MLLT10: variants seen among roughly 807,000 people sequenced by gnomAD.
The protein encoded by MLLT10 is MLLT10 histone lysine methyltransferase DOT1L cofactor, also known as protein AF-10.
MLLT10 carries 30 observed loss-of-function variants against 129.1 expected under a neutral mutation model. That is an observed-to-expected ratio of 0.23 (90% CI 0.17 to 0.32). The LOEUF is 0.32. MLLT10 is among the 10% of genes least tolerant of loss of function. The probability of loss-of-function intolerance (pLI) is 1.00; values close to 1 mark genes in which losing one functional copy is unlikely to be tolerated. For synonymous variants in MLLT10, 490 were observed against 446.4 expected, an observed-to-expected ratio of 1.10 and a Z score of -1.23; for missense variants, 1,119 against 1,268.3, an observed-to-expected ratio of 0.88 and a Z score of 1.79.
intron 11 of MLLT10, among the ~76,000 whole-genome samples, chr10:21,678,139 C>G (rs948265815): frequency 2.0e-5 from 3 of 152,054 alleles, no homozygotes; most frequent in Non-Finnish European, 4.4e-5. Context: ...GAGTCTTGCT[C>G]TATTGACCAG....
At chr10:21,682,554 ATC>A (rs772612149) in intron 13 of MLLT10, among the ~76,000 whole-genome samples, 3 of 152,130 alleles carry the variant, frequency 2.0e-5, no homozygotes, top group Non-Finnish European at 4.4e-5. Context: ...TTCTTTTGAG[ATC>A]TCTCTTGCCA....
intron 17 of MLLT10, 40 bp downstream of exon 17, chr10:21,731,094 G>A: frequency 6.4e-7 from 1 of 1,557,898 alleles, no homozygotes; most frequent in Non-Finnish European, 8.7e-7. Flanking sequence ...AAGACAGATG[G>A]GCAGATGGAC....
chr10:21,637,570 C>T (rs2047578588), intron 8 of MLLT10, among the ~76,000 whole-genome samples: 1 of 152,130 alleles, frequency 6.6e-6, no homozygotes, highest in South Asian at 2.1e-4. Flanking sequence ...GAGACTGAGG[C>T]TTCTAATTTA....
At chr10:21,621,088 A>G (rs973822563) in intron 8 of MLLT10, among the ~76,000 whole-genome samples, 1 of 142,186 alleles carries the variant, frequency 7.0e-6, no homozygotes, top group African/African-American at 2.7e-5. Flanking sequence ...GGTTCACGCC[A>G]TTCTCCTGTC....
At chr10:21,633,526 T>A (rs540751795) in intron 8 of MLLT10, among the ~76,000 whole-genome samples, 12 of 152,156 alleles carry the variant, frequency 7.9e-5, no homozygotes, top group African/African-American at 2.6e-4. Context: ...AAGCCATCTC[T>A]ACAAAAAATA....
intron 16 of MLLT10, among the ~76,000 whole-genome samples, chr10:21,730,328 A>G (rs1201866391): frequency 6.8e-6 from 1 of 147,602 alleles, no homozygotes; most frequent in Non-Finnish European, 1.5e-5. Flanking sequence ...AAAAAAAAAA[A>G]ATTGCTTTGA....
intron 3 of MLLT10, among the ~76,000 whole-genome samples, chr10:21,561,173 C>T (rs1174078699): frequency 6.6e-6 from 1 of 152,100 alleles, no homozygotes; most frequent in African/African-American, 2.4e-5. Flanking sequence ...AAATGATTGT[C>T]AAATTTAGTG....
chr10:21,717,253 CAAAA>C lies in MLLT10; in HGVS notation c.1878+3324_1878+3327del, dbSNP rs747244556. On this transcript the variant is annotated intron_variant, in intron 14 of 22. Transcript: ENST00000307729. ...GGGCAACAAGAGCGAAACTCCGTCT[CAAAA>C]AAAAAAAAAAAAAAAAAAAATTGTT... Among the ~76,000 whole-genome samples, 33 of 63,552 alleles carry C rather than the reference CAAAA, an allele frequency of 5.2e-4. No individual in the cohort carries two copies. In the South Asian group the frequency reaches 0.014, roughly 27 times the overall value. The allele number at this position is 63,552 out of a possible 152,430, so 41.7% of individuals were successfully genotyped here. A position where few individuals can be genotyped will look rare whatever the true frequency, so the allele number is the denominator to read the frequency against.
intron 3 of MLLT10, among the ~76,000 whole-genome samples, chr10:21,561,270 G>A (rs1162150212): frequency 1.3e-5 from 2 of 151,898 alleles, no homozygotes; most frequent in African/African-American, 4.8e-5. Flanking sequence ...TATTTGAGAC[G>A]GAGCCTTGCT....
intron 8 of MLLT10, among the ~76,000 whole-genome samples, chr10:21,621,488 GCC>G (rs2045848786): frequency 2.6e-5 from 4 of 152,068 alleles, no homozygotes; most frequent in Non-Finnish European, 5.9e-5. Flanking sequence ...CTCATGATCC[GCC>G]CCTCTCGGCC....
chr10:21,537,927 C>G (rs1189712017), intron 2 of MLLT10, among the ~76,000 whole-genome samples: 1 of 152,088 alleles, frequency 6.6e-6, no homozygotes, highest in East Asian at 1.9e-4. Context: ...AATTTTAAAA[C>G]AAGACTGTGA....
chr10:21,694,724 A>G (rs1309847389), intron 13 of MLLT10, among the ~76,000 whole-genome samples: 2 of 152,224 alleles, frequency 1.3e-5, no homozygotes, highest in Non-Finnish European at 2.9e-5. Context: ...CATTGCTGAC[A>G]TAACAAATTA....
intron 2 of MLLT10, among the ~76,000 whole-genome samples, chr10:21,537,540 G>A (rs976542841): frequency 5.3e-5 from 8 of 151,634 alleles, no homozygotes; most frequent in Non-Finnish European, 8.8e-5. Flanking sequence ...TCTCGGCTCA[G>A]TGAAACCTTC....
chr10:21,625,901 A>T, intron 8 of MLLT10: 1 of 782,590 alleles, frequency 1.3e-6, no homozygotes, highest in Non-Finnish European at 2.4e-6. Flanking sequence ...AAGGGGCACC[A>T]ACTCATCCTC....
At chr10:21,692,089 G>A (rs1241077701) in intron 13 of MLLT10, among the ~76,000 whole-genome samples, 5 of 151,358 alleles carry the variant, frequency 3.3e-5, no homozygotes, top group Admixed American at 1.3e-4. Flanking sequence ...CATGGGAATC[G>A]CTTGAACTTG....
rs2056695893 is a variant in MLLT10, at chr10:21,717,519, A to ACCTCCTCCTCCTCCTCCTCCACCACCT, written c.1878+3589_1878+3590insACCACCTCCTCCTCCTCCTCCTCCTCC. Among the ~76,000 whole-genome samples, 193 of 75,268 alleles carry ACCTCCTCCTCCTCCTCCTCCACCACCT rather than the reference A, an allele frequency of 2.6e-3. 3 individuals are homozygous for ACCTCCTCCTCCTCCTCCTCCACCACCT. Among genetic ancestry groups the ACCTCCTCCTCCTCCTCCTCCACCACCT allele is most frequent in the African/African-American group, 0.011 (185 of 17,458 alleles). 49.4% of individuals were successfully genotyped at this position (75,268 alleles called of 152,430 possible). ...CTCCTCCTCCTCCTCCTCCTCCACC[A>ACCTCCTCCTCCTCCTCCTCCACCACCT]CCTCCTCCTCCTCCTCCTCCTCCCT... is the stretch of plus-strand genomic sequence containing the variant. On this transcript the variant is annotated intron_variant, in intron 14 of 22. Transcript: ENST00000307729.
At chr10:21,607,308 G>A (rs1441014932) in intron 5 of MLLT10, among the ~76,000 whole-genome samples, 1 of 143,298 alleles carries the variant, frequency 7.0e-6, no homozygotes, top group Non-Finnish European at 1.5e-5. Context: ...ATTGTTTTAT[G>A]TACTCTATGC....
At chr10:21,585,775 C>G (rs961461125) in intron 3 of MLLT10, among the ~76,000 whole-genome samples, 1 of 151,928 alleles carries the variant, frequency 6.6e-6, no homozygotes, top group East Asian at 1.9e-4. Context: ...TGTTTTGTTT[C>G]TTTTAGTTGG....
In MLLT10 at chr10:21,737,496, G is replaced by A. The variant is rs577395750; in HGVS notation, c.2955+2261G>A. ...GAGGAGATGAGAACGGTATTTCACT[G>A]CCCCAGCAAGGCAGGCAGAGCAACT... On this transcript the variant is annotated intron_variant, in intron 21 of 22. Transcript: ENST00000307729. 5.9e-5 allele frequency among the ~76,000 whole-genome samples: 9 copies of A among 152,302 alleles called. 1 individual carries two copies. In the South Asian group the frequency reaches 8.3e-4, roughly 14 times the overall value.
Sources: gnomAD v4.1 joint callset for allele counts (sites outside exome capture counted in the v4.1 genomes callset) on GRCh38, gnomAD v4.1.1 for gene constraint, MANE v1.5 for transcripts, NCBI Gene and HGNC (gene_info 2026-07-23, HGNC 2026-07-21) for gene names.